Variants in AGER observed in about 807,000 individuals in gnomAD.
AGER encodes the protein advanced glycation end product-specific receptor.
Under a neutral mutation model 48.8 loss-of-function variants are expected in AGER, and 46 were observed. That is an observed-to-expected ratio of 0.94 (90% CI 0.74 to 1.20). The LOEUF is 1.20. Among genes scored for constraint, AGER ranks in the 50% most tolerant of loss-of-function variants. The pLI is 0.00. For missense variants in AGER, 489 were observed against 515.0 expected (o/e 0.95, Z 0.49); for synonymous variants, 170 against 199.9 (o/e 0.85, Z 1.26).
rs773054732 is a variant in AGER, at chr6:32,183,365, C to G, written c.379G>C (p.Val127Leu). 2 of 1,612,988 alleles carry G rather than the reference C, an allele frequency of 1.2e-6. No individual in the cohort carries two copies. Among genetic ancestry groups the G allele is most frequent in the African/African-American group, 2.7e-5 (2 of 74,934 alleles). Reference sequence around the variant, plus strand: ...GCCGTGAGTTCAGAGGCAGAATCTACAATTTCTGGCTTCCCAGGAATCTCT... The same window carrying G: ...GCCGTGAGTTCAGAGGCAGAATCTAGAATTTCTGGCTTCCCAGGAATCTCT... ...VYQIPGKPEI[V>L]DSASELTAGV... Residue 127 changes from valine to leucine, a missense_variant, in exon 4 of 11, where the codon GTA becomes CTA. Physicochemically the swap from Val to Leu is conservative, Grantham distance 32. Coordinates refer to ENST00000375076, the MANE Select transcript of AGER (RefSeq NM_001136.5).
At position 32,181,972 on chromosome 6, in the gene AGER, A is replaced by G. The variant is rs966289410; in HGVS notation, c.964+275T>C. 4 of 638,044 alleles carry G rather than the reference A, an allele frequency of 6.3e-6. No homozygotes were observed. The highest frequency in any genetic ancestry group is 2.3e-5 in the Admixed American group (1 of 42,596). 39.5% of individuals were successfully genotyped at this position (638,044 alleles called of 1,614,324 possible). A position where few individuals can be genotyped will look rare whatever the true frequency, so the allele number is the denominator to read the frequency against. On this transcript the variant is annotated intron_variant, in intron 8 of 10. Transcript: ENST00000375076. This position sits in a 1 kb window ranked among gnomAD's most constrained non-coding sequence, Gnocchi z 4.1. ...GGTCTCGAACTCCCTACCTCAGGTG[A>G]TCTGCCCGCCTCAGCCTCCCAAAGT...
Position 32,182,835 on chromosome 6 carries a change from G to T in AGER, c.691+6C>A. 3 of 1,612,328 alleles carry T rather than the reference G, an allele frequency of 1.9e-6. No homozygotes were observed. The highest frequency in any genetic ancestry group is 2.5e-6 in the Non-Finnish European group (3 of 1,179,806). ...TGAGCTTGGGGCCCTCCCCACCTATGCTCACCCCAGACACGGGGCTGGATG... is the reference window on the plus strand; with the variant it reads ...TGAGCTTGGGGCCCTCCCCACCTATTCTCACCCCAGACACGGGGCTGGATG... On this transcript the variant is annotated splice_donor_region_variant and intron_variant, in intron 6 of 10. Transcript: ENST00000375076. This position sits in a 1 kb window ranked among gnomAD's most constrained non-coding sequence, Gnocchi z 5.1.
chr6:32,184,011 G>A (rs1352504744), intron 1 of AGER, 24 bp from the exon 2 acceptor site: 3 of 1,612,878 alleles, frequency 1.9e-6, no homozygotes, highest in Non-Finnish European at 2.5e-6. Context: ...CCATGGTAGA[G>A]GGGTAGGAAG....
In AGER at chr6:32,182,614, C is replaced by A. The variant is rs775569298; in HGVS notation, c.776G>T (p.Cys259Phe). 42 of 1,612,986 alleles carry A rather than the reference C, an allele frequency of 2.6e-5. No homozygotes were observed. The highest frequency in any genetic ancestry group is 3.6e-5 in the Non-Finnish European group (42 of 1,180,050). Residue 259 changes from cysteine (C) to phenylalanine (F), a missense_variant, in exon 7 of 11, where the codon TGT (cysteine) becomes TTT (phenylalanine). By Grantham distance (205) the Cys-to-Phe change is radical. Coordinates refer to ENST00000375076, the MANE Select transcript of AGER (RefSeq NM_001136.5). This position sits in a 1 kb window ranked among gnomAD's most constrained non-coding sequence, Gnocchi z 5.1. ...AGGAGAGGGCTGGGCAGGGACTTCA[C>A]AGGTCAGGGTTACGGTTCCACCAGG... Reference protein sequence around the residue: ...VAPGGTVTLTCEVPAQPSPQI... With the variant: ...VAPGGTVTLTFEVPAQPSPQI...
In AGER at chr6:32,182,925, G is replaced by A. The variant is rs780256052; in HGVS notation, c.607C>T (p.Arg203Cys). 3 of 1,612,206 alleles carry A rather than the reference G, an allele frequency of 1.9e-6. No individual in the cohort carries two copies. The highest frequency in any genetic ancestry group is 1.1e-5 in the South Asian group (1 of 91,072). ...CTGAAGCTACAGGAGAAGGTGGGAC[G>A]GGGATCTCCTCCCCGGGCTGGGGTC... ...MVTPARGGDP[R>C]PTFSCSFSPG... Residue 203 changes from arginine (R) to cysteine (C), a missense_variant, in exon 6 of 11, where the codon CGT becomes TGT. By Grantham distance (180) the Arg-to-Cys change is radical (BLOSUM62 -3). Coordinates refer to ENST00000375076, the MANE Select transcript of AGER (RefSeq NM_001136.5). This position sits in a 1 kb window ranked among gnomAD's most constrained non-coding sequence, Gnocchi z 5.1.
rs780621739 is a variant in AGER, at chr6:32,183,577, G to A, written c.333C>T (p.Ser111=). The change falls in exon 3 of 11, where the codon TCC becomes TCT. Residue 111 remains serine (S), a synonymous_variant. Coordinates refer to ENST00000375076, the MANE Select transcript of AGER (RefSeq NM_001136.5). ...TACGGTAGACACGGACTCGGTAGTT[G>A]GACTTGGTCTCCTTTCCATTCCTGT... ...AMNRNGKETK[S]NYRVRVYQIP... 3.7e-6 allele frequency: 6 copies of A among 1,613,078 alleles called. No homozygotes were observed. In the South Asian group the frequency reaches 6.6e-5, roughly 18 times the overall value.
chr6:32,182,435 T>C lies in AGER; in HGVS notation c.823-47A>G. 1 of 1,593,272 alleles carries C rather than the reference T, an allele frequency of 6.3e-7. No individual in the cohort carries two copies. Among genetic ancestry groups the C allele is most frequent in the Middle Eastern group, 1.7e-4 (1 of 5,966 alleles). On this transcript the variant is annotated intron_variant, in intron 7 of 10. Transcript: ENST00000375076. This position sits in a 1 kb window ranked among gnomAD's most constrained non-coding sequence, Gnocchi z 5.1. ...AGACTATTTCAAAACCCTTGTCTTTTTGTCTCCATATCTTCAGATACCCTC... is the reference window on the plus strand; with the variant it reads ...AGACTATTTCAAAACCCTTGTCTTTCTGTCTCCATATCTTCAGATACCCTC...
rs923381156 is a variant in AGER at position 32,181,960 on chromosome 6, C to T, written c.964+287G>A. On this transcript the variant is annotated intron_variant, in intron 8 of 10. Transcript: ENST00000375076. This position sits in a 1 kb window ranked among gnomAD's most constrained non-coding sequence, Gnocchi z 4.1. The stretch of plus-strand genomic sequence containing the variant: ...GTTGGTCAGGCTGGTCTCGAACTCC[C>T]TACCTCAGGTGATCTGCCCGCCTCA... The T allele has an allele frequency of 3.2e-6, 2 of 626,114 alleles. No individual in the cohort carries two copies. Among genetic ancestry groups the T allele is most frequent in the Non-Finnish European group, 5.7e-6 (2 of 350,956 alleles). 38.8% of individuals were successfully genotyped at this position (626,114 alleles called of 1,614,324 possible).
Position 32,182,856 on chromosome 6 carries a change from G to C in AGER, c.676C>G (p.Gln226Glu). Residue 226 changes from glutamine to glutamate, a missense_variant, in exon 6 of 11, where the codon CAG becomes GAG. Gln to Glu is a conservative substitution (Grantham distance 29, BLOSUM62 2). Transcript: ENST00000375076. This position sits in a 1 kb window ranked among gnomAD's most constrained non-coding sequence, Gnocchi z 5.1. ...RHRALRTAPI[Q>E]PRVWEPVPLE... ...CTATGCTCACCCCAGACACGGGGCTGGATGGGGGCTGTGCGCAAGGCCCGG... is the reference window on the plus strand; with the variant it reads ...CTATGCTCACCCCAGACACGGGGCTCGATGGGGGCTGTGCGCAAGGCCCGG... 1 of 1,611,918 alleles carries C rather than the reference G, an allele frequency of 6.2e-7. No individual in the cohort carries two copies. Among genetic ancestry groups the C allele is most frequent in the Non-Finnish European group, 8.5e-7 (1 of 1,179,642 alleles).
Position 32,183,642 on chromosome 6 carries a change from C to G in AGER, c.268G>C (p.Gly90Arg). The G allele has an allele frequency of 6.2e-7, 1 of 1,613,048 alleles. No individual in the cohort carries two copies. The highest frequency in any genetic ancestry group is 8.5e-7 in the Non-Finnish European group (1 of 1,180,020). ...PNGSLFLPAVGIQDEGIFRCQ... is the reference protein window; with the variant it reads ...PNGSLFLPAVRIQDEGIFRCQ... ...CGGAAAATCCCCTCATCCTGGATCCCGACAGCCGGAAGGAAGAGGGAGCCG... is the reference window on the plus strand; with the variant it reads ...CGGAAAATCCCCTCATCCTGGATCCGGACAGCCGGAAGGAAGAGGGAGCCG... The change falls in exon 3 of 11, where the codon GGG becomes CGG. Residue 90 changes from glycine (G) to arginine (R), a missense_variant. Transcript: ENST00000375076.
chr6:32,182,800 C>T lies in AGER; in HGVS notation c.691+41G>A, dbSNP rs371598514. 164 of 1,612,542 alleles carry T rather than the reference C, an allele frequency of 1.0e-4. No individual in the cohort carries two copies. The highest frequency in any genetic ancestry group is 4.1e-4 in the African/African-American group (31 of 74,932). On this transcript the variant is annotated intron_variant, in intron 6 of 10. Coordinates refer to ENST00000375076, the MANE Select transcript of AGER (RefSeq NM_001136.5). This position sits in a 1 kb window ranked among gnomAD's most constrained non-coding sequence, Gnocchi z 5.1. ...TTCCCTAAGGGTCAGACTTCCAGAA[C>T]GTGCTCACGTGAGCTTGGGGCCCTC...
In AGER at chr6:32,183,884, T is replaced by C; in HGVS notation, c.156A>G (p.Lys52=). The C allele has an allele frequency of 6.2e-7, 1 of 1,612,998 alleles. No individual in the cohort carries two copies. Among genetic ancestry groups the C allele is most frequent in the Non-Finnish European group, 8.5e-7 (1 of 1,179,992 alleles). ...PKKPPQRLEW[K]LNTGRTEAWK... is the part of the protein sequence containing the mutation. ...CTGCAACAGGAGCCCCGCTTACCAG[T>C]TTCCATTCCAGCCGCTGGGGTGGTT... Residue 52 remains lysine, a synonymous_variant, in exon 2 of 11, where the codon AAA becomes AAG. Coordinates refer to ENST00000375076, the MANE Select transcript of AGER (RefSeq NM_001136.5).
Position 32,182,945 on chromosome 6 carries a change from G to A in AGER, c.587C>T (p.Pro196Leu). Residue 196 changes from proline (P) to leucine (L), a missense_variant, in exon 6 of 11, where the codon CCA becomes CTA. By Grantham distance (98) the Pro-to-Leu change is moderately conservative. Coordinates refer to ENST00000375076, the MANE Select transcript of AGER (RefSeq NM_001136.5). This position sits in a 1 kb window ranked among gnomAD's most constrained non-coding sequence, Gnocchi z 5.1. ...GGGACGGGGATCTCCTCCCCGGGCT[G>A]GGGTCACCATTAGCTCCGACTGCAG... is the stretch of plus-strand genomic sequence containing the variant. ...FTLQSELMVT[P>L]ARGGDPRPTF... is the part of the protein sequence containing the mutation. 1 of 1,612,610 alleles carries A rather than the reference G, an allele frequency of 6.2e-7. No individual in the cohort carries two copies. The highest frequency in any genetic ancestry group is 1.3e-5 in the African/African-American group (1 of 75,016).
At position 32,183,702 on chromosome 6, in the gene AGER, C is replaced by G. The variant is rs769914792; in HGVS notation, c.208G>C (p.Gly70Arg). 6.2e-7 allele frequency: 1 copy of G among 1,613,116 alleles called. No individual in the cohort carries two copies. The highest frequency in any genetic ancestry group is 8.5e-7 in the Non-Finnish European group (1 of 1,180,036). Residue 70 changes from glycine to arginine, a missense_variant, in exon 3 of 11, where the codon GGC (glycine) becomes CGC (arginine). By Grantham distance (125) the Gly-to-Arg change is moderately radical. Coordinates refer to ENST00000375076, the MANE Select transcript of AGER (RefSeq NM_001136.5). ...AWKVLSPQGGGPWDSVARVLP... is the reference protein window; with the variant it reads ...AWKVLSPQGGRPWDSVARVLP... ...ACACGAGCCACACTGTCCCAGGGGC[C>G]TCCTCCCTGGGGAGACAGGACCTTC...
Position 32,181,679 on chromosome 6 carries a change from A to C in AGER, c.965-47T>G. The stretch of plus-strand genomic sequence containing the variant: ...AGTCAGAAAGGAAGACTTCGGGTTG[A>C]GAGAGGGTTATTTAGTGGGAGCCCC... On this transcript the variant is annotated intron_variant, in intron 8 of 10. Coordinates refer to ENST00000375076, the MANE Select transcript of AGER (RefSeq NM_001136.5). The surrounding 1 kb of genome is among the most constrained non-coding windows in gnomAD (Gnocchi z 4.1). The C allele has an allele frequency of 3.1e-6, 5 of 1,592,784 alleles. No individual in the cohort carries two copies. The highest frequency in any genetic ancestry group is 4.3e-6 in the Non-Finnish European group (5 of 1,163,832).
At position 32,183,201 on chromosome 6, in the gene AGER, C is replaced by G. The variant is rs372397484; in HGVS notation, c.421G>C (p.Val141Leu). The G allele has an allele frequency of 6.2e-7, 1 of 1,612,956 alleles. No homozygotes were observed. Among genetic ancestry groups the G allele is most frequent in the South Asian group, 1.1e-5 (1 of 91,084 alleles). Residue 141 changes from valine (V) to leucine (L), a missense_variant and splice_region_variant, in exon 5 of 11, where the codon GTG becomes CTG. Transcript: ENST00000375076. The part of the protein sequence containing the change: ...SELTAGVPNK[V>L]GTCVSEGSYP... ...CTTCCCTCTGACACACATGTCCCCA[C>G]CTGGGGAAAGAGTGGTGACCTCAGA... is the stretch of plus-strand genomic sequence containing the variant.
intron 1 of AGER, 88 bp from the exon 2 acceptor site, chr6:32,184,075 C>T: frequency 6.2e-7 from 1 of 1,607,492 alleles, no homozygotes. Flanking sequence ...TTGAAAGGCA[C>T]TTCCTCGGGT....
intron 3 of AGER, 80 bp downstream of exon 3, chr6:32,183,475 G>A: frequency 1.2e-6 from 2 of 1,606,720 alleles, no homozygotes; most frequent in South Asian, 2.2e-5. Flanking sequence ...GAAGTCAGAG[G>A]CCCTCATGGG....
chr6:32,182,037 GT>G lies in AGER; in HGVS notation c.964+209del. On this transcript the variant is annotated intron_variant, in intron 8 of 10. Coordinates refer to ENST00000375076, the MANE Select transcript of AGER (RefSeq NM_001136.5). The surrounding 1 kb of genome is among the most constrained non-coding windows in gnomAD (Gnocchi z 5.1). ...CGTGAGCCACCGCGCCCAGCCGTCT[GT>G]TCCTTTTTTTAGCTCAGAGGGAAGA... The G allele has an allele frequency of 2.5e-6, 2 of 800,626 alleles. No individual in the cohort carries two copies. Among genetic ancestry groups the G allele is most frequent in the Non-Finnish European group, 4.2e-6 (2 of 476,636 alleles). The allele number at this position is 800,626 out of a possible 1,614,324, so 49.6% of individuals were successfully genotyped here.
Sources: gnomAD v4.1 joint callset for allele counts on GRCh38, gnomAD v4.1.1 for gene constraint, Gnocchi (gnomAD v3.1) non-coding constraint, MANE v1.5 for transcripts, NCBI Gene and HGNC (gene_info 2026-07-23, HGNC 2026-07-21) for gene names.